Variants in C6orf120 observed in about 807,000 individuals in gnomAD.
C6orf120 encodes the protein chromosome 6 open reading frame 120, also known as UPF0669 protein C6orf120.
For missense variants in C6orf120, 311 were observed against 264.2 expected, an observed-to-expected ratio of 1.18 and a Z score of -1.23; for synonymous variants, 165 against 123.1, an observed-to-expected ratio of 1.34 and a Z score of -2.25.
At chr6:169,702,804 C>T in exon 1 of C6orf120, 2 of 1,613,006 alleles carry the variant, frequency 1.2e-6, no homozygotes, top group Non-Finnish European at 1.7e-6. Context: ...GCCCAGTGGG[C>T]ATCGGCGTCT....
exon 1 of C6orf120, chr6:169,704,277 C>G (rs1473152725): frequency 5.8e-6 from 3 of 515,882 alleles, no homozygotes; most frequent in Non-Finnish European, 6.9e-6. Flanking sequence ...CAATGCCATG[C>G]AAAATTCATT....
At chr6:169,704,931 C>G (rs1284616271), downstream of C6orf120, 2 of 422,528 alleles carry the variant, frequency 4.7e-6, no homozygotes, top group Non-Finnish European at 8.6e-6. Context: ...CAGGGGCATT[C>G]TGGCCTTTCA....
At chr6:169,705,712 G>C (rs144617367), downstream of C6orf120, 1 of 1,566,828 alleles carries the variant, frequency 6.4e-7, no homozygotes, top group Non-Finnish European at 8.8e-7. Context: ...ATAGCATTTG[G>C]AATGACCTTT....
At position 169,702,826 on chromosome 6, in the gene C6orf120, TC is replaced by T. The variant is rs780796264; in HGVS notation, c.370del (p.His124ThrfsTer8). ...GGGCATCGGCGTCTATGGACACCCC[TC>T]CCACCTGGAGAGCGAGTTCGAGATG... is the stretch of plus-strand genomic sequence containing the variant. On this transcript the variant is annotated frameshift_variant, in exon 1 of 1. Coordinates refer to ENST00000332290, the Ensembl canonical transcript of C6orf120. LOFTEE classifies it low-confidence loss of function (END_TRUNC). 6.2e-7 allele frequency: 1 copy of T among 1,612,406 alleles called. No individual in the cohort carries two copies. Among genetic ancestry groups the T allele is most frequent in the Admixed American group, 1.7e-5 (1 of 60,016 alleles).
chr6:169,706,055 A>G (rs1788774844), downstream of C6orf120, among the ~76,000 whole-genome samples: 1 of 152,216 alleles, frequency 6.6e-6, no homozygotes, highest in South Asian at 2.1e-4. Flanking sequence ...GGACAAGAAA[A>G]TCCAAGTAGC....
At chr6:169,704,031 C>G in exon 1 of C6orf120, 1 of 1,600,610 alleles carries the variant, frequency 6.2e-7, no homozygotes, top group South Asian at 1.1e-5. Context: ...TTTCCCCCTT[C>G]TGCCCACTTT....
At chr6:169,706,255 A>T (rs991149649), downstream of C6orf120, among the ~76,000 whole-genome samples, 11 of 152,228 alleles carry the variant, frequency 7.2e-5, no homozygotes, top group Non-Finnish European at 1.2e-4. Context: ...TTTTAATTGA[A>T]AGATGTCTCA....
chr6:169,705,145 C>T (rs748210245), downstream of C6orf120: 8 of 1,606,838 alleles, frequency 5.0e-6, no homozygotes, highest in Non-Finnish European at 6.8e-6. Context: ...GATGGAATAG[C>T]ACCAAGGCCC....
chr6:169,706,201 C>A (rs1788778838), downstream of C6orf120, among the ~76,000 whole-genome samples: 1 of 152,040 alleles, frequency 6.6e-6, no homozygotes, highest in African/African-American at 2.4e-5. Context: ...ATCAGCTTAT[C>A]CTCATTGGTA....
chr6:169,705,412 A>C (rs911486808), downstream of C6orf120: 8 of 892,438 alleles, frequency 9.0e-6, no homozygotes, highest in Non-Finnish European at 1.4e-5. Context: ...GGACTTCCAG[A>C]GAATGGCTAT....
At chr6:169,704,483 GTGTACTCTGC>G (rs1488311936) in exon 1 of C6orf120, 1 of 193,144 alleles carries the variant, frequency 5.2e-6, no homozygotes, top group Non-Finnish European at 1.2e-5. Context: ...TCAAGTCCTG[GTGTACTCTGC>G]TGACAGCACT....
exon 1 of C6orf120, chr6:169,704,420 T>A (rs555454701): frequency 7.6e-5 from 20 of 264,772 alleles, no homozygotes; most frequent in African/African-American, 3.6e-4. Context: ...TTGGCTTTTT[T>A]AAGACTTTTT....
chr6:169,706,180 T>C (rs1788778545), downstream of C6orf120, among the ~76,000 whole-genome samples: 1 of 152,190 alleles, frequency 6.6e-6, no homozygotes, highest in Non-Finnish European at 1.5e-5. Context: ...CTATAAAATC[T>C]AAGTTAAAAA....
exon 1 of C6orf120, chr6:169,703,291 T>A: frequency 1.9e-6 from 1 of 525,658 alleles, no homozygotes; most frequent in East Asian, 3.3e-5. Context: ...ATTAGGCAGG[T>A]TGACTAAAAA....
At position 169,703,130 on chromosome 6, in the gene C6orf120, A is replaced by G. The variant is rs113643510; in HGVS notation, c.*95A>G. The G allele has an allele frequency of 3.9e-6, 5 of 1,291,948 alleles. No homozygotes were observed. The South Asian group carries it at 4.5e-5, about 12-fold the overall frequency. The allele number at this position is 1,291,948 out of a possible 1,614,324, so 80.0% of individuals were successfully genotyped here. ...GCTACTTGTACTTGGTTGAAGTTCT[A>G]GGTACCTTTAGTCAAGGGATGGAAA... On this transcript the variant is annotated 3_prime_UTR_variant, in exon 1 of 1. Coordinates refer to ENST00000332290, the Ensembl canonical transcript of C6orf120.
At chr6:169,705,550 T>A (rs994843417), downstream of C6orf120, 3 of 931,304 alleles carry the variant, frequency 3.2e-6, no homozygotes, top group African/African-American at 1.6e-5. Flanking sequence ...CCTGAAACTA[T>A]AAATTCTAGT....
At chr6:169,705,036 A>G, downstream of C6orf120, 1 of 860,652 alleles carries the variant, frequency 1.2e-6, no homozygotes, top group Middle Eastern at 2.6e-4. Context: ...AAGAGTCCAC[A>G]AGCTCTTCAT....
Position 169,702,519 on chromosome 6 carries a change from C to G in C6orf120, c.60C>G (p.Ala20=), listed in dbSNP as rs148067109. 199 of 1,609,196 alleles carry G rather than the reference C, an allele frequency of 1.2e-4. No individual in the cohort carries two copies. In the East Asian group the frequency reaches 4.4e-3, roughly 36 times the overall value. Residue 20 remains alanine (A), a synonymous_variant, in exon 1 of 1, where the codon GCC becomes GCG. Coordinates refer to ENST00000332290, the Ensembl canonical transcript of C6orf120. ...CGACGGCCCTGCTGCTGCTCCTAGCCTCGCAGGTCCTGTCTCCGGGAAGCT... is the reference window on the plus strand; with the variant it reads ...CGACGGCCCTGCTGCTGCTCCTAGCGTCGCAGGTCCTGTCTCCGGGAAGCT...
exon 1 of C6orf120, chr6:169,703,105 G>C (rs1335239326): frequency 2.1e-5 from 31 of 1,454,002 alleles, no homozygotes; most frequent in Non-Finnish European, 2.8e-5. Flanking sequence ...TGTGAACCTT[G>C]CTACTTGTAC....
Sources: gnomAD v4.1 joint callset for allele counts (sites outside exome capture counted in the v4.1 genomes callset) on GRCh38, gnomAD v4.1.1 for gene constraint, MANE v1.5 for transcripts, NCBI Gene and HGNC (gene_info 2026-07-23, HGNC 2026-07-21) for gene names.